PPP1R17: variants seen among roughly 807,000 people sequenced by gnomAD.
PPP1R17 encodes protein phosphatase 1 regulatory subunit 17.
In PPP1R17, 12 loss-of-function variants were observed where a neutral mutation model predicts 15.9. The ratio of observed to expected loss-of-function variants is 0.75; its 90% CI spans 0.48 to 1.22. The LOEUF is 1.22. Among genes scored for constraint, PPP1R17 ranks in the 50% most tolerant of loss-of-function variants. The probability of loss-of-function intolerance (pLI) is 0.00; values close to 1 mark genes in which losing one functional copy is unlikely to be tolerated. For synonymous variants in PPP1R17, 63 were observed against 64.5 expected (o/e 0.98, Z 0.11); for missense variants, 211 against 187.3 (o/e 1.13, Z -0.74).
intron 2 of PPP1R17, among the ~76,000 whole-genome samples, chr7:31,693,705 A>C (rs949192948): frequency 7.2e-5 from 11 of 152,240 alleles, no homozygotes; most frequent in Non-Finnish European, 1.6e-4. Flanking sequence ...CAGAGTTTGC[A>C]TCTAGACCCA....
intron 1 of PPP1R17, 80 bp from the exon 2 acceptor site, chr7:31,692,326 C>A: frequency 1.2e-6 from 1 of 855,444 alleles, no homozygotes; most frequent in Non-Finnish European, 1.8e-6. Context: ...AGGTGCTCAA[C>A]AAATATATTT....
chr7:31,707,137 T>C, intron 4 of PPP1R17, 67 bp from the exon 5 acceptor site: 2 of 1,447,282 alleles, frequency 1.4e-6, no homozygotes, highest in Non-Finnish European at 1.9e-6. Context: ...GTACTGTGTC[T>C]GTCTGCAACG....
intron 3 of PPP1R17, among the ~76,000 whole-genome samples, chr7:31,696,388 A>G (rs1311713970): frequency 2.0e-5 from 3 of 152,212 alleles, no homozygotes; most frequent in African/African-American, 7.2e-5. Context: ...GTGACATCAT[A>G]AGGGAGTTCT....
At chr7:31,690,831 C>T (rs1369629593) in intron 1 of PPP1R17, among the ~76,000 whole-genome samples, 1 of 152,140 alleles carries the variant, frequency 6.6e-6, no homozygotes, top group Non-Finnish European at 1.5e-5. Context: ...TATGTCATTT[C>T]AACATTTTTG....
At chr7:31,687,637 A>C (rs972615419) in intron 1 of PPP1R17, among the ~76,000 whole-genome samples, 1 of 152,196 alleles carries the variant, frequency 6.6e-6, no homozygotes, top group South Asian at 2.1e-4. Flanking sequence ...CTCAAAACAC[A>C]TTCTCCATGC....
intron 4 of PPP1R17, among the ~76,000 whole-genome samples, chr7:31,699,683 T>G (rs1409746332): frequency 6.6e-6 from 1 of 152,086 alleles, no homozygotes; most frequent in Admixed American, 6.6e-5. Flanking sequence ...TAACCCTGCA[T>G]CTAGCAAGTC....
intron 1 of PPP1R17, among the ~76,000 whole-genome samples, chr7:31,690,485 A>G (rs1792296034): frequency 6.6e-6 from 1 of 152,220 alleles, no homozygotes; most frequent in African/African-American, 2.4e-5. Context: ...TAGCAGACTT[A>G]ACTTGTGTGG....
At chr7:31,703,211 A>T (rs994343375) in intron 4 of PPP1R17, among the ~76,000 whole-genome samples, 5 of 152,190 alleles carry the variant, frequency 3.3e-5, no homozygotes, top group Non-Finnish European at 7.3e-5. Flanking sequence ...TCTCTGTTCA[A>T]TCTTATATTC....
chr7:31,694,395 C>T (rs1468509897), intron 2 of PPP1R17, among the ~76,000 whole-genome samples: 1 of 151,710 alleles, frequency 6.6e-6, no homozygotes, highest in Non-Finnish European at 1.5e-5. Context: ...CAAACACACA[C>T]ACACACACAC....
chr7:31,700,673 CA>C (rs1394832893), intron 4 of PPP1R17, among the ~76,000 whole-genome samples: 1 of 152,096 alleles, frequency 6.6e-6, no homozygotes, highest in Non-Finnish European at 1.5e-5. Flanking sequence ...TGCCTGGCTT[CA>C]AAACTTCAAA....
rs1562708891 is a variant in PPP1R17, at chr7:31,708,387, C to T, written c.*1104C>T. ...GCTGGTTCCAACTGTTTAATCCCTT[C>T]TGTCTTTCTGTTCTCACAAAGATGG... On this transcript the variant is annotated 3_prime_UTR_variant, in exon 5 of 5. Transcript: ENST00000342032. 6.6e-6 allele frequency: 1 copy of T among 152,236 alleles called. No individual in the cohort carries two copies. The highest frequency in any genetic ancestry group is 1.5e-5 in the Non-Finnish European group (1 of 68,052). 9.4% of individuals were successfully genotyped at this position (152,236 alleles called of 1,614,324 possible). A position where few individuals can be genotyped will look rare whatever the true frequency, so the allele number is the denominator to read the frequency against.
At chr7:31,702,659 G>A (rs551771064) in intron 4 of PPP1R17, among the ~76,000 whole-genome samples, 8 of 152,156 alleles carry the variant, frequency 5.3e-5, no homozygotes, top group East Asian at 1.9e-4. Flanking sequence ...CTGTATTGTC[G>A]CTGCTGCTTA....
intron 4 of PPP1R17, among the ~76,000 whole-genome samples, chr7:31,701,108 TATAG>T (rs1205136791): frequency 1.1e-4 from 16 of 152,310 alleles, no homozygotes; most frequent in African/African-American, 3.6e-4. Flanking sequence ...CTAGAGCTGC[TATAG>T]ATAGTGATCC....
intron 4 of PPP1R17, among the ~76,000 whole-genome samples, chr7:31,705,169 C>T (rs763048990): frequency 6.6e-6 from 1 of 152,202 alleles, no homozygotes; most frequent in African/African-American, 2.4e-5. Context: ...GATGATTTAA[C>T]AGGCTTTTCT....
In PPP1R17 at chr7:31,707,202, A is replaced by C; in HGVS notation, c.389-2A>C. ...ATTGCAGGTCTGTGCTTTGTTTTGC[A>C]GGTGTGACATTGCTCAGGGACGAGA... On this transcript the variant is annotated splice_acceptor_variant, in intron 4 of 4. Coordinates refer to ENST00000342032, the MANE Select transcript of PPP1R17 (RefSeq NM_006658.5). LOFTEE classifies it high-confidence loss of function. 1.2e-6 allele frequency: 2 copies of C among 1,613,228 alleles called. No homozygotes were observed. Among genetic ancestry groups the C allele is most frequent in the Non-Finnish European group, 1.7e-6 (2 of 1,179,502 alleles).
intron 4 of PPP1R17, among the ~76,000 whole-genome samples, chr7:31,702,877 G>A (rs1299815508): frequency 6.6e-6 from 1 of 152,140 alleles, no homozygotes; most frequent in Non-Finnish European, 1.5e-5. Context: ...GCTTGTATCT[G>A]TTTTTATTGA....
At chr7:31,704,564 G>A (rs1312837551) in intron 4 of PPP1R17, among the ~76,000 whole-genome samples, 2 of 152,176 alleles carry the variant, frequency 1.3e-5, no homozygotes, top group African/African-American at 4.8e-5. Context: ...AGAATCTCAC[G>A]GTTCAATAGC....
In PPP1R17 at chr7:31,696,959, A is replaced by G; in HGVS notation, c.236-6A>G. ...TGTTTCTCTCTGTGTTCCCCTAACC[A>G]TGCAGGTGTGTTTTCAGAACATTTA... On this transcript the variant is annotated splice_polypyrimidine_tract_variant and splice_region_variant and intron_variant, in intron 3 of 4. Coordinates refer to ENST00000342032, the MANE Select transcript of PPP1R17 (RefSeq NM_006658.5). 1 of 1,613,904 alleles carries G rather than the reference A, an allele frequency of 6.2e-7. No individual in the cohort carries two copies. Among genetic ancestry groups the G allele is most frequent in the Non-Finnish European group, 8.5e-7 (1 of 1,179,878 alleles).
chr7:31,692,972 T>A (rs1407139714), intron 2 of PPP1R17, among the ~76,000 whole-genome samples: 1 of 152,226 alleles, frequency 6.6e-6, no homozygotes, highest in Non-Finnish European at 1.5e-5. Flanking sequence ...TTATTGTCAA[T>A]CTGTTTCCTT....
Sources: gnomAD v4.1 joint callset for allele counts (sites outside exome capture counted in the v4.1 genomes callset) on GRCh38, gnomAD v4.1.1 for gene constraint, MANE v1.5 for transcripts, NCBI Gene and HGNC (gene_info 2026-07-23, HGNC 2026-07-21) for gene names.